Variants in CDH13 observed in about 807,000 individuals in gnomAD.
CDH13 encodes cadherin-13.
Under a neutral mutation model 63.8 loss-of-function variants are expected in CDH13, and 24 were observed. The ratio of observed to expected loss-of-function variants is 0.38; its 90% CI spans 0.27 to 0.53. The LOEUF (loss-of-function observed/expected upper bound fraction) is 0.53. Among genes scored for constraint, CDH13 ranks in the 20% least tolerant of loss-of-function variants. The probability of loss-of-function intolerance (pLI) is 0.85; values close to 1 mark genes in which losing one functional copy is unlikely to be tolerated. For synonymous variants in CDH13, 503 were observed against 355.3 expected (o/e 1.42, Z -4.67); for missense variants, 1,049 against 903.1 (o/e 1.16, Z -2.07).
chr16:83,491,564 CA>C (rs2151571162), intron 7 of CDH13, among the ~76,000 whole-genome samples: 1 of 137,656 alleles, frequency 7.3e-6, no homozygotes, highest in African/African-American at 2.9e-5. Context: ...AACTAATGGT[CA>C]GGGTTTTTTT....
chr16:83,546,841 G>C (rs2075395342), intron 7 of CDH13, among the ~76,000 whole-genome samples: 1 of 152,202 alleles, frequency 6.6e-6, no homozygotes, highest in South Asian at 2.1e-4. Flanking sequence ...CCATGGCCAT[G>C]TCTGTCTTTC....
At chr16:83,121,493 G>C (rs887247154) in intron 3 of CDH13, among the ~76,000 whole-genome samples, 2 of 152,224 alleles carry the variant, frequency 1.3e-5, no homozygotes, top group Non-Finnish European at 2.9e-5. Flanking sequence ...GCATACGCTT[G>C]CTGTATCATT....
chr16:82,744,749 C>T (rs2034084709), intron 1 of CDH13, among the ~76,000 whole-genome samples: 2 of 152,170 alleles, frequency 1.3e-5, no homozygotes, highest in Admixed American at 1.3e-4. Flanking sequence ...ATTTAAGCTC[C>T]ACCACCTATT....
At chr16:83,606,866 C>G (rs542852563) in intron 8 of CDH13, among the ~76,000 whole-genome samples, 19 of 152,170 alleles carry the variant, frequency 1.2e-4, no homozygotes, top group Non-Finnish European at 2.4e-4. Context: ...CACTGCAGCA[C>G]CAGGTATAAC....
chr16:82,875,076 T>C (rs541711768), intron 2 of CDH13, among the ~76,000 whole-genome samples: 1 of 152,348 alleles, frequency 6.6e-6, no homozygotes, highest in African/African-American at 2.4e-5. Context: ...GCTTTGATTA[T>C]GCTTCCAAGG....
At chr16:83,711,387 G>A (rs573364688) in intron 10 of CDH13, among the ~76,000 whole-genome samples, 13 of 152,196 alleles carry the variant, frequency 8.5e-5, no homozygotes, top group Admixed American at 2.0e-4. Flanking sequence ...TTGGCATCTT[G>A]GGGGGCTTTA....
chr16:83,007,836 A>AG (rs1555560827), intron 2 of CDH13, among the ~76,000 whole-genome samples: 6 of 152,002 alleles, frequency 3.9e-5, no homozygotes, highest in African/African-American at 4.8e-5. Context: ...AAAAAAAAAA[A>AG]AGAGAGAAAA....
chr16:83,635,059 T>A (rs1399847587), intron 8 of CDH13, among the ~76,000 whole-genome samples: 1 of 152,214 alleles, frequency 6.6e-6, no homozygotes, highest in Non-Finnish European at 1.5e-5. Context: ...ATCCAGTTCT[T>A]CCACATTCTC....
intron 10 of CDH13, among the ~76,000 whole-genome samples, chr16:83,694,109 G>A (rs1021619006): frequency 1.3e-5 from 2 of 152,218 alleles, no homozygotes; most frequent in African/African-American, 2.4e-5. Context: ...AGGCATCACA[G>A]AATGGATAGA....
intron 7 of CDH13, among the ~76,000 whole-genome samples, chr16:83,517,567 A>G (rs1598204552): frequency 6.6e-6 from 1 of 152,228 alleles, no homozygotes; most frequent in African/African-American, 2.4e-5. Flanking sequence ...TTTGGCTAGA[A>G]CTAGTCATGT....
chr16:82,881,047 G>A (rs886965466), intron 2 of CDH13, among the ~76,000 whole-genome samples: 6 of 152,134 alleles, frequency 3.9e-5, no homozygotes, highest in East Asian at 1.9e-4. Context: ...AATGGAATGC[G>A]TGGATGCCAT....
At chr16:82,642,691 G>C (rs1909564612) in intron 1 of CDH13, among the ~76,000 whole-genome samples, 1 of 152,326 alleles carries the variant, frequency 6.6e-6, no homozygotes, top group African/African-American at 2.4e-5. Flanking sequence ...TGGGGTGGGG[G>C]AATTGAGGAA....
intron 3 of CDH13, among the ~76,000 whole-genome samples, chr16:83,071,838 G>T (rs1365596576): frequency 6.6e-6 from 1 of 152,148 alleles, no homozygotes; most frequent in African/African-American, 2.4e-5. Context: ...TTATAAGTAT[G>T]TGAGTTGTAA....
intron 3 of CDH13, among the ~76,000 whole-genome samples, chr16:83,037,404 A>G (rs1916958702): frequency 6.6e-6 from 1 of 152,124 alleles, no homozygotes. Context: ...GCCACTGGGG[A>G]GGCTGCTGCC....
chr16:83,122,665 G>T (rs1460212401), intron 3 of CDH13, among the ~76,000 whole-genome samples: 1 of 152,188 alleles, frequency 6.6e-6, no homozygotes, highest in Non-Finnish European at 1.5e-5. Context: ...GGCTCATGAA[G>T]AGAGTTGCTT....
intron 7 of CDH13, among the ~76,000 whole-genome samples, chr16:83,516,742 C>T (rs1224494438): frequency 6.6e-6 from 1 of 152,226 alleles, no homozygotes; most frequent in African/African-American, 2.4e-5. Flanking sequence ...GCTGCCTCCC[C>T]TGTCATCATG....
chr16:83,485,662 C>G (rs1370212197), intron 6 of CDH13, among the ~76,000 whole-genome samples: 2 of 152,250 alleles, frequency 1.3e-5, no homozygotes, highest in East Asian at 3.9e-4. Flanking sequence ...AAACCCCAGA[C>G]TAGATAAGGT....
chr16:82,751,122 G>C (rs1275559103), intron 1 of CDH13, among the ~76,000 whole-genome samples: 1 of 152,190 alleles, frequency 6.6e-6, no homozygotes, highest in Non-Finnish European at 1.5e-5. Context: ...TTCAGTATGT[G>C]CTTTTATGTG....
At chr16:83,115,814 G>C (rs2035266364) in intron 3 of CDH13, among the ~76,000 whole-genome samples, 1 of 152,230 alleles carries the variant, frequency 6.6e-6, no homozygotes, top group South Asian at 2.1e-4. Flanking sequence ...TTGTTTATGA[G>C]GTTTTCACTA....
Sources: allele counts gnomAD v4.1 joint callset (sites outside exome capture counted in the v4.1 genomes callset), GRCh38; gene constraint gnomAD v4.1.1; transcripts MANE v1.5; gene names NCBI Gene and HGNC (gene_info 2026-07-23, HGNC 2026-07-21).